Variants in CCDC141 observed in about 807,000 individuals in gnomAD.
CCDC141 encodes coiled-coil domain containing 141.
CCDC141 carries 168 observed loss-of-function variants against 181.0 expected under a neutral mutation model. The observed-to-expected ratio is 0.93, with a 90% CI of 0.82 to 1.05. The LOEUF (loss-of-function observed/expected upper bound fraction) is 1.05, where lower values mean the gene tolerates loss of function less well. Among genes scored for constraint, CCDC141 ranks in the 50% least tolerant of loss-of-function variants. CCDC141 has a pLI of 0.00. For missense variants in CCDC141, 1,902 were observed against 1,788.5 expected (o/e 1.06, Z -1.14); for synonymous variants, 666 against 642.3 (o/e 1.04, Z -0.56).
At chr2:178,933,388 A>G (rs1197889709) in intron 6 of CCDC141, among the ~76,000 whole-genome samples, 1 of 152,212 alleles carries the variant, frequency 6.6e-6, no homozygotes, top group African/African-American at 2.4e-5. Flanking sequence ...CATGAATACA[A>G]ATCCTCTTGG....
chr2:178,837,747 T>C lies in CCDC141; in HGVS notation c.3475-3A>G. 6.3e-7 allele frequency: 1 copy of C among 1,582,442 alleles called. No individual in the cohort carries two copies. Among genetic ancestry groups the C allele is most frequent in the South Asian group, 1.2e-5 (1 of 86,316 alleles). On this transcript the variant is annotated splice_polypyrimidine_tract_variant and splice_region_variant and intron_variant, in intron 22 of 23. Transcript: ENST00000443758. The stretch of plus-strand genomic sequence containing the variant: ...AGATCTGCCACCTGCACCTGCCCCT[T>C]GAAAAAAGAAAAGCCAAATCATCCT...
the CCDC141 span, chr2:178,817,650 C>G: frequency 2.3e-6 from 1 of 443,660 alleles, no homozygotes; most frequent in Non-Finnish European, 4.6e-6. Flanking sequence ...AGGTCTAACA[C>G]TTTCTAGGAA....
rs193212783 is a variant in CCDC141, at chr2:178,971,167, C to G, written c.526+3890G>C. On this transcript the variant is annotated intron_variant, in intron 4 of 23. Transcript: ENST00000443758. ...AGGTCGCAGTGATCTGAGATTGCAC[C>G]ACTGCACTCCAGCCTGGGTGGCAAA... Among the ~76,000 whole-genome samples the G allele has an allele frequency of 1.3e-3, 193 of 152,172 alleles. 1 individual carries two copies. The highest frequency in any genetic ancestry group is 2.4e-3 in the Non-Finnish European group (164 of 68,004).
At chr2:179,028,046 G>C (rs895091680) in intron 2 of CCDC141, among the ~76,000 whole-genome samples, 2 of 152,068 alleles carry the variant, frequency 1.3e-5, no homozygotes, top group African/African-American at 4.8e-5. Context: ...ACAGTCATCA[G>C]ACTGAGAATA....
At chr2:179,006,106 T>C (rs1357369104) in intron 2 of CCDC141, among the ~76,000 whole-genome samples, 1 of 152,180 alleles carries the variant, frequency 6.6e-6, no homozygotes, top group Non-Finnish European at 1.5e-5. Context: ...TCAGGCAGCT[T>C]CAAGGCTGAA....
chr2:178,922,133 G>C (rs1314272777), intron 6 of CCDC141, among the ~76,000 whole-genome samples: 1 of 152,162 alleles, frequency 6.6e-6, no homozygotes, highest in Non-Finnish European at 1.5e-5. Flanking sequence ...CTAAGCTCTA[G>C]GATGTTGTCT....
At chr2:178,871,192 A>G (rs1686104265) in intron 14 of CCDC141, among the ~76,000 whole-genome samples, 1 of 152,214 alleles carries the variant, frequency 6.6e-6, no homozygotes, top group South Asian at 2.1e-4. Flanking sequence ...TTAAAAATCT[A>G]ATATAAAAAT....
At chr2:178,828,985 G>T (rs2366912), downstream of CCDC141, among the ~76,000 whole-genome samples, 35,816 of 152,020 alleles carry the variant, frequency 0.24, 4,632 homozygotes, top group Middle Eastern at 0.4. Context: ...TTATTACCTA[G>T]TTCTGGAGCT....
chr2:178,822,114 G>A, the CCDC141 span, among the ~76,000 whole-genome samples: 24 of 151,952 alleles, frequency 1.6e-4, no homozygotes, highest in African/African-American at 4.8e-4. Context: ...GTAGGGACAT[G>A]GATGAAGCTG....
intron 4 of CCDC141, among the ~76,000 whole-genome samples, chr2:178,964,935 A>G (rs76840372): frequency 0.047 from 7,109 of 152,278 alleles, 210 homozygotes; most frequent in South Asian, 0.078. Context: ...TTAATTTTCA[A>G]TCTATCTAAA....
At chr2:178,909,728 G>A (rs953726754) in intron 7 of CCDC141, among the ~76,000 whole-genome samples, 9 of 151,910 alleles carry the variant, frequency 5.9e-5, no homozygotes, top group South Asian at 2.1e-4. Flanking sequence ...CTGATATATC[G>A]GACCCAGCCT....
chr2:179,034,286 TAC>T (rs2043077574), intron 2 of CCDC141, among the ~76,000 whole-genome samples: 1 of 152,104 alleles, frequency 6.6e-6, no homozygotes, highest in South Asian at 2.1e-4. Context: ...AAGTGGGAGC[TAC>T]ATGATGACAG....
At chr2:178,817,168 A>G in the CCDC141 span, among the ~76,000 whole-genome samples, 316 of 152,288 alleles carry the variant, frequency 2.1e-3, 2 homozygotes, top group Middle Eastern at 6.8e-3. Flanking sequence ...ACCTAAGTGG[A>G]CAACTGGTTC....
intron 11 of CCDC141, among the ~76,000 whole-genome samples, chr2:178,879,333 G>C (rs888092235): frequency 4.6e-5 from 7 of 152,210 alleles, no homozygotes; most frequent in Admixed American, 3.9e-4. Flanking sequence ...GCAATGGTTA[G>C]TCACTATATT....
intron 17 of CCDC141, among the ~76,000 whole-genome samples, chr2:178,865,436 T>C (rs983843386): frequency 4.6e-5 from 7 of 152,064 alleles, no homozygotes; most frequent in African/African-American, 2.4e-5. Flanking sequence ...CTGAAGCAAA[T>C]GACTGCTATA....
At chr2:178,847,327 TGAGACCAGCTTG>T (rs1684981258) in intron 21 of CCDC141, among the ~76,000 whole-genome samples, 1 of 152,088 alleles carries the variant, frequency 6.6e-6, no homozygotes, top group Non-Finnish European at 1.5e-5. Flanking sequence ...CCCAGGAGTT[TGAGACCAGCTTG>T]GGCAACATAG....
chr2:178,931,433 A>T (rs1689091333), intron 6 of CCDC141, among the ~76,000 whole-genome samples: 1 of 152,238 alleles, frequency 6.6e-6, no homozygotes, highest in South Asian at 2.1e-4. Context: ...ATGCCTATCA[A>T]CTGAGGAATG....
intron 6 of CCDC141, among the ~76,000 whole-genome samples, chr2:178,932,574 GA>G (rs1396748308): frequency 6.6e-6 from 1 of 152,068 alleles, no homozygotes; most frequent in Non-Finnish European, 1.5e-5. Flanking sequence ...AAAAATCATT[GA>G]AAAACAACAC....
chr2:178,864,258 G>A (rs1685745342), intron 17 of CCDC141, among the ~76,000 whole-genome samples: 1 of 152,108 alleles, frequency 6.6e-6, no homozygotes, highest in African/African-American at 2.4e-5. Context: ...GGAAAGAAGA[G>A]AGAAAGAGGA....
Sources: gnomAD v4.1 joint callset for allele counts (sites outside exome capture counted in the v4.1 genomes callset) on GRCh38, gnomAD v4.1.1 for gene constraint, MANE v1.5 for transcripts, NCBI Gene and HGNC (gene_info 2026-07-23, HGNC 2026-07-21) for gene names.